The following ALOX12B variants were observed in gnomAD, a reference collection of about 807,000 sequenced individuals.
The protein encoded by ALOX12B is arachidonate 12-lipoxygenase, 12R-type.
Under a neutral mutation model 78.9 loss-of-function variants are expected in ALOX12B, and 47 were observed. That is an observed-to-expected ratio of 0.60 (90% CI 0.47 to 0.76). The LOEUF is 0.76. Among genes scored for constraint, ALOX12B ranks in the 30% least tolerant of loss-of-function variants. The probability of loss-of-function intolerance (pLI) is 0.00; values close to 1 mark genes in which losing one functional copy is unlikely to be tolerated. For synonymous variants in ALOX12B, 370 were observed against 374.5 expected, an observed-to-expected ratio of 0.99 and a Z score of 0.14; for missense variants, 805 against 922.6, an observed-to-expected ratio of 0.87 and a Z score of 1.65.
In ALOX12B at chr17:8,073,276, G is replaced by T. The variant is rs767259265; in HGVS notation, c.1798C>A (p.Arg600=). Residue 600 remains arginine, a synonymous_variant, in exon 14 of 15, where the codon CGG becomes AGG. Transcript: ENST00000647874. ...AWMPNFPASM[R]NPPIQTKGLT... ...CCCTTAGTCTGAATCGGTGGATTCC[G>T]CATGGACGCTGGGAAGTTGGGCATC... The T allele has an allele frequency of 9.3e-6, 15 of 1,614,068 alleles. No homozygotes were observed. The highest frequency in any genetic ancestry group is 1.2e-5 in the Non-Finnish European group (14 of 1,180,042).
chr17:8,077,675 G>T (rs1056077724), intron 8 of ALOX12B, among the ~76,000 whole-genome samples: 1 of 152,164 alleles, frequency 6.6e-6, no homozygotes, highest in Non-Finnish European at 1.5e-5. Flanking sequence ...ATGACGCTTG[G>T]GGGGACCTCT....
At chr17:8,075,187 T>A (rs1977055131) in intron 12 of ALOX12B, among the ~76,000 whole-genome samples, 1 of 152,214 alleles carries the variant, frequency 6.6e-6, no homozygotes, top group Non-Finnish European at 1.5e-5. Context: ...TTGTTGAGTG[T>A]GTACCCAGGT....
Position 8,079,968 on chromosome 17 carries a change from A to C in ALOX12B, c.755-27T>G, listed in dbSNP as rs773595655. 2 of 1,604,592 alleles carry C rather than the reference A, an allele frequency of 1.2e-6. No individual in the cohort carries two copies. The highest frequency in any genetic ancestry group is 3.4e-5 in the Admixed American group (2 of 58,550). ...TGCGAGGACGGCGCGAGGGCGTCAC[A>C]AGGAGGCCCGGCCCCCCTCGGGGAC... On this transcript the variant is annotated intron_variant, in intron 6 of 14. Transcript: ENST00000647874. This position sits in a 1 kb window ranked among gnomAD's most constrained non-coding sequence, Gnocchi z 6.4.
chr17:8,076,943 G>C (rs779064608), intron 9 of ALOX12B, 47 bp downstream of exon 9: 1 of 1,588,854 alleles, frequency 6.3e-7, no homozygotes, highest in Admixed American at 1.7e-5. Context: ...CGGAGGCCAG[G>C]TGAGGGCCAT....
At position 8,073,151 on chromosome 17, in the gene ALOX12B, G is replaced by C. The variant is rs751578748; in HGVS notation, c.1923C>G (p.Asp641Glu). Residue 641 changes from aspartate to glutamate, a missense_variant, in exon 14 of 15, where the codon GAC (aspartate) becomes GAG (glutamate). Transcript: ENST00000647874. Reference protein sequence around the residue: ...VLWTLSREPDDRRPLGHFPDI... With the variant: ...VLWTLSREPDERRPLGHFPDI... ...AGTCCCCCATCCCGTCTCGCACCCT[G>C]TCGTCAGGCTCTCGGCTGAGGGTCC... 6.2e-7 allele frequency: 1 copy of C among 1,614,130 alleles called. No homozygotes were observed. Among genetic ancestry groups the C allele is most frequent in the Non-Finnish European group, 8.5e-7 (1 of 1,180,038 alleles).
In ALOX12B at chr17:8,081,559, C is replaced by G; in HGVS notation, c.353-372G>C. 1.2e-5 allele frequency: 4 copies of G among 329,608 alleles called. 1 individual carries two copies. The South Asian group carries it at 1.3e-4, about 11-fold the overall frequency. 20.4% of individuals were successfully genotyped at this position (329,608 alleles called of 1,614,324 possible). On this transcript the variant is annotated intron_variant, in intron 2 of 14. Coordinates refer to ENST00000647874, the MANE Select transcript of ALOX12B (RefSeq NM_001139.3). ...ATCACCCAAATAAAGTATATTGTAC[C>G]CATTAAGTAATTTCTCATCATCCAC...
At chr17:8,074,623 G>A (rs1977045047) in intron 12 of ALOX12B, among the ~76,000 whole-genome samples, 1 of 152,154 alleles carries the variant, frequency 6.6e-6, no homozygotes, top group Non-Finnish European at 1.5e-5. Flanking sequence ...CTGACTGCCA[G>A]TGCAGCCTGA....
At chr17:8,073,043 T>C in intron 14 of ALOX12B, 93 bp from the exon 15 acceptor site, 1 of 1,598,060 alleles carries the variant, frequency 6.3e-7, no homozygotes, top group Non-Finnish European at 8.5e-7. Context: ...TTGGTTTCAG[T>C]GGCCTCTCAC....
At chr17:8,077,226 G>A (rs373907003) in intron 8 of ALOX12B, 33 bp from the exon 9 acceptor site, 1 of 1,583,094 alleles carries the variant, frequency 6.3e-7, no homozygotes, top group Non-Finnish European at 8.6e-7. Context: ...GGTTGGGTGA[G>A]GGCAGAGACC....
rs1362565470 is a variant in ALOX12B at position 8,080,584 on chromosome 17, GAGGCCGCCA to G, written c.650+65_650+73del. 4 of 1,609,022 alleles carry G rather than the reference GAGGCCGCCA, an allele frequency of 2.5e-6. No individual in the cohort carries two copies. The African/African-American group carries it at 5.3e-5, about 22-fold the overall frequency. On this transcript the variant is annotated intron_variant, in intron 5 of 14. Transcript: ENST00000647874. The surrounding 1 kb of genome is among the most constrained non-coding windows in gnomAD (Gnocchi z 4.8). ...CATTCCAACCTCTGGGGCTGTCTTG[GAGGCCGCCA>G]AGGTTGGGGGAGAGGGAAAGTTCTT...
rs1977194527 is a variant in ALOX12B at position 8,080,599 on chromosome 17, G to C, written c.650+59C>G. 8 of 1,612,516 alleles carry C rather than the reference G, an allele frequency of 5.0e-6. No individual in the cohort carries two copies. The highest frequency in any genetic ancestry group is 6.8e-6 in the Non-Finnish European group (8 of 1,179,216). On this transcript the variant is annotated intron_variant, in intron 5 of 14. Coordinates refer to ENST00000647874, the MANE Select transcript of ALOX12B (RefSeq NM_001139.3). The surrounding 1 kb of genome is among the most constrained non-coding windows in gnomAD (Gnocchi z 4.8). Reference sequence around the variant, plus strand: ...GGCTGTCTTGGAGGCCGCCAAGGTTGGGGGAGAGGGAAAGTTCTTGCAGGA... The same window carrying C: ...GGCTGTCTTGGAGGCCGCCAAGGTTCGGGGAGAGGGAAAGTTCTTGCAGGA...
At chr17:8,087,241 C>T (rs1042633173) in intron 1 of ALOX12B, 55 bp downstream of exon 1, 3 of 1,098,706 alleles carry the variant, frequency 2.7e-6, no homozygotes, top group African/African-American at 2.8e-5. Flanking sequence ...CACACAGACA[C>T]ACACACACAC....
In ALOX12B at chr17:8,079,188, C is replaced by T. The variant is rs568581491; in HGVS notation, c.1071+208G>A. On this transcript the variant is annotated intron_variant, in intron 8 of 14. Coordinates refer to ENST00000647874, the MANE Select transcript of ALOX12B (RefSeq NM_001139.3). This position sits in a 1 kb window ranked among gnomAD's most constrained non-coding sequence, Gnocchi z 6.4. ...CTGGGATTACAGGCGTGAGCCACCG[C>T]GTCCGGCAATACTGGGACATTTTAT... is the stretch of plus-strand genomic sequence containing the variant. 2.0e-4 allele frequency among the ~76,000 whole-genome samples: 30 copies of T among 151,810 alleles called. No individual in the cohort carries two copies. The highest frequency in any genetic ancestry group is 7.2e-4 in the African/African-American group (30 of 41,398).
At position 8,076,932 on chromosome 17, in the gene ALOX12B, TC is replaced by T. The variant is rs200956909; in HGVS notation, c.1275+57del. On this transcript the variant is annotated intron_variant, in intron 9 of 14. Coordinates refer to ENST00000647874, the MANE Select transcript of ALOX12B (RefSeq NM_001139.3). ...GACTGCTCAGTGGGCCTGGGGGTTTTCGGAGGCCAGGTGAGGGCCATGATGC... is the reference window on the plus strand; with the variant it reads ...GACTGCTCAGTGGGCCTGGGGGTTTTGGAGGCCAGGTGAGGGCCATGATGC... 3,470 of 1,566,808 alleles carry T rather than the reference TC, an allele frequency of 2.2e-3. 67 individuals are homozygous for T. The Admixed American group carries it at 0.037, about 17-fold the overall frequency.
At chr17:8,075,519 G>C in intron 12 of ALOX12B, 76 bp downstream of exon 12, 1 of 1,606,160 alleles carries the variant, frequency 6.2e-7, no homozygotes, top group South Asian at 1.1e-5. Flanking sequence ...CAGCCCAGGA[G>C]GGCCCTAGCA....
intron 10 of ALOX12B, 53 bp downstream of exon 10, chr17:8,076,604 A>G: frequency 6.6e-7 from 1 of 1,521,006 alleles, no homozygotes; most frequent in Non-Finnish European, 8.9e-7. Context: ...CATCTAACTG[A>G]AAAGGCCAGA....
At position 8,087,692 on chromosome 17, in the gene ALOX12B, C is replaced by G. The variant is rs1339287409; in HGVS notation, c.-250G>C. On this transcript the variant is annotated 5_prime_UTR_variant, in exon 1 of 15. Coordinates refer to ENST00000647874, the MANE Select transcript of ALOX12B (RefSeq NM_001139.3). ...CGGAGCCCAGCTGGTGGTGAGTGAG[C>G]AGGTGTCTGGGCTCCAAGCCTTCTG... is the stretch of plus-strand genomic sequence containing the variant. 1.7e-6 allele frequency: 1 copy of G among 583,528 alleles called. No homozygotes were observed. Among genetic ancestry groups the G allele is most frequent in the African/African-American group, 1.9e-5 (1 of 53,824 alleles). The allele number at this position is 583,528 out of a possible 1,614,324, so 36.1% of individuals were successfully genotyped here. A position where few individuals can be genotyped will look rare whatever the true frequency, so the allele number is the denominator to read the frequency against.
rs745351859 is a variant in ALOX12B, at chr17:8,073,708, A to G, written c.1704T>C (p.Thr568=). ...RTVPELIRYV[T]IVIYTCSAKH... Reference sequence around the variant, plus strand: ...TGGCAGAGCAGGTGTAGATGACTATAGTGACATATCGGATCAGCTCAGGCA... The same window carrying G: ...TGGCAGAGCAGGTGTAGATGACTATGGTGACATATCGGATCAGCTCAGGCA... The change falls in exon 13 of 15, where the codon ACT becomes ACC. Residue 568 remains threonine (T), a synonymous_variant. Coordinates refer to ENST00000647874, the MANE Select transcript of ALOX12B (RefSeq NM_001139.3). 1.4e-5 allele frequency: 22 copies of G among 1,613,498 alleles called. No individual in the cohort carries two copies. The South Asian group carries it at 2.3e-4, about 17-fold the overall frequency.
Position 8,073,729 on chromosome 17 carries a change from A to T in ALOX12B, c.1683T>A (p.Pro561=). 6.2e-7 allele frequency: 1 copy of T among 1,613,336 alleles called. No individual in the cohort carries two copies. Residue 561 remains proline, a synonymous_variant, in exon 13 of 15, where the codon CCT becomes CCA. Transcript: ENST00000647874. ...CTATAGTGACATATCGGATCAGCTCAGGCACGGTTCGCAAGCACCTAGGGA... is the reference window on the plus strand; with the variant it reads ...CTATAGTGACATATCGGATCAGCTCTGGCACGGTTCGCAAGCACCTAGGGA... ...SGFPRCLRTV[P]ELIRYVTIVI...
Sources: allele counts gnomAD v4.1 joint callset (sites outside exome capture counted in the v4.1 genomes callset), GRCh38; gene constraint gnomAD v4.1.1; non-coding constraint Gnocchi (gnomAD v3.1); transcripts MANE v1.5; gene names NCBI Gene and HGNC (gene_info 2026-07-23, HGNC 2026-07-21).